Variants in ZP3 observed in about 807,000 individuals in gnomAD.
The protein encoded by ZP3 is zona pellucida sperm-binding protein 3.
In ZP3, 21 loss-of-function variants were observed where a neutral mutation model predicts 35.6. The ratio of observed to expected loss-of-function variants is 0.59; its 90% CI spans 0.42 to 0.85. The LOEUF (loss-of-function observed/expected upper bound fraction) is 0.85, where lower values mean the gene tolerates loss of function less well. Among genes scored for constraint, ZP3 ranks in the 40% least tolerant of loss-of-function variants. The probability of loss-of-function intolerance (pLI) is 0.00; values close to 1 mark genes in which losing one functional copy is unlikely to be tolerated. For synonymous variants in ZP3, 207 were observed against 214.5 expected (o/e 0.96, Z 0.31); for missense variants, 437 against 536.5 (o/e 0.81, Z 1.83).
chr7:76,441,659 A>AT (rs1806202740), intron 7 of ZP3, among the ~76,000 whole-genome samples, 183 bp from the exon 8 acceptor site: 1 of 152,170 alleles, frequency 6.6e-6, no homozygotes, highest in African/African-American at 2.4e-5. Flanking sequence ...AAGTGCTGGG[A>AT]TTACAGGCAT....
At chr7:76,437,443 T>C (rs2005354) in intron 5 of ZP3, among the ~76,000 whole-genome samples, 29,086 of 144,712 alleles carry the variant, frequency 0.2, no homozygotes, top group Middle Eastern at 0.32. Flanking sequence ...GTGCTGGGAT[T>C]ACAGGCATGA....
chr7:76,416,816 C>CTATATA (rs1554623880), intron 1 of ZP3, among the ~76,000 whole-genome samples: 10 of 143,708 alleles, frequency 7.0e-5, no homozygotes, highest in African/African-American at 1.0e-4. Context: ...CTCTCTCTCT[C>CTATATA]TATATATATA....
intron 1 of ZP3, among the ~76,000 whole-genome samples, chr7:76,416,863 T>A (rs1187986416): frequency 6.7e-6 from 1 of 148,152 alleles, no homozygotes. Flanking sequence ...TACATATATA[T>A]ACACACATAT....
chr7:76,437,156 G>A (rs1473673327), intron 5 of ZP3, among the ~76,000 whole-genome samples: 3 of 148,798 alleles, frequency 2.0e-5, no homozygotes, highest in African/African-American at 5.0e-5. Flanking sequence ...CCTCAACAGA[G>A]CAAGACCCTG....
At chr7:76,436,489 TGGCATTAAG>T (rs1295623968) in intron 5 of ZP3, among the ~76,000 whole-genome samples, 2 of 152,240 alleles carry the variant, frequency 1.3e-5, no homozygotes, top group African/African-American at 2.4e-5. Flanking sequence ...TACGTCAGGG[TGGCATTAAG>T]GGACAAAGTA....
rs188651658 is a variant in ZP3, at chr7:76,418,713, G to A, written c.-66-6339G>A. 3.5e-3 allele frequency among the ~76,000 whole-genome samples: 537 copies of A among 151,798 alleles called. 4 individuals carry two copies. The highest frequency in any genetic ancestry group is 0.023 in the South Asian group (111 of 4,804). On this transcript the variant is annotated intron_variant, in intron 1 of 8. Transcript: ENST00000336517. ...CTACTAAAAATACAAAAAATTAGCCGGGCGTGGTGGCAGGCGCCTATAGTC... is the reference window on the plus strand; with the variant it reads ...CTACTAAAAATACAAAAAATTAGCCAGGCGTGGTGGCAGGCGCCTATAGTC...
intron 1 of ZP3, among the ~76,000 whole-genome samples, chr7:76,405,465 A>G (rs906002036): frequency 4.8e-5 from 7 of 145,008 alleles, no homozygotes; most frequent in Non-Finnish European, 9.0e-5. Context: ...TACAGGCGTG[A>G]GCCACCGTGC....
upstream of ZP3, among the ~76,000 whole-genome samples, chr7:76,424,716 C>T (rs2115879966): frequency 6.6e-6 from 1 of 152,254 alleles, no homozygotes; most frequent in African/African-American, 2.4e-5. Context: ...AATGTGGATA[C>T]ACGTGGGGGA....
chr7:76,400,255 C>T (rs772170908), intron 1 of ZP3: 1 of 1,436,576 alleles, frequency 7.0e-7, no homozygotes, highest in South Asian at 1.6e-5. Context: ...CACAGTCTGT[C>T]TGTCCCTCCA....
intron 1 of ZP3, among the ~76,000 whole-genome samples, chr7:76,408,128 G>A (rs1023783000): frequency 3.9e-5 from 6 of 152,138 alleles, no homozygotes; most frequent in African/African-American, 1.2e-4. Flanking sequence ...GCTACACTGA[G>A]AGTGGGACTG....
At chr7:76,427,724 G>C (rs1250336997) in intron 1 of ZP3, among the ~76,000 whole-genome samples, 2 of 152,134 alleles carry the variant, frequency 1.3e-5, no homozygotes, top group South Asian at 2.1e-4. Flanking sequence ...GATCGAGTTT[G>C]GTCAGGGCCA....
intron 1 of ZP3, among the ~76,000 whole-genome samples, chr7:76,413,686 T>C (rs1190867410): frequency 6.6e-6 from 1 of 152,180 alleles, no homozygotes. Context: ...ATTTATTTTT[T>C]GAGACAAGTT....
At chr7:76,414,057 C>G (rs1000484199) in intron 1 of ZP3, among the ~76,000 whole-genome samples, 1 of 148,178 alleles carries the variant, frequency 6.7e-6, no homozygotes, top group African/African-American at 2.5e-5. Flanking sequence ...AGTGCAGTGG[C>G]GTGATCTCAG....
At chr7:76,400,554 GC>G in intron 1 of ZP3, 1 of 1,510,064 alleles carries the variant, frequency 6.6e-7, no homozygotes, top group Non-Finnish European at 8.9e-7. Context: ...CTTCCAGGCG[GC>G]CCCGGCAGCG....
At chr7:76,435,491 G>A (rs1421270824) in intron 5 of ZP3, among the ~76,000 whole-genome samples, 1 of 152,236 alleles carries the variant, frequency 6.6e-6, no homozygotes, top group African/African-American at 2.4e-5. Flanking sequence ...GAGATGAGAG[G>A]TGAGGCGGTG....
At chr7:76,418,317 G>A (rs887554505) in intron 1 of ZP3, among the ~76,000 whole-genome samples, 7 of 151,980 alleles carry the variant, frequency 4.6e-5, no homozygotes, top group African/African-American at 1.7e-4. Flanking sequence ...TTGGGTGGCT[G>A]AGGCAGGCAG....
At chr7:76,420,054 G>A (rs539524535), upstream of ZP3, among the ~76,000 whole-genome samples, 57 of 150,594 alleles carry the variant, frequency 3.8e-4, no homozygotes, top group South Asian at 2.3e-3. Flanking sequence ...CTCCTGCCTC[G>A]GCCTCCCAAA....
intron 5 of ZP3, among the ~76,000 whole-genome samples, chr7:76,438,213 T>C (rs1806082836): frequency 6.6e-6 from 1 of 152,132 alleles, no homozygotes; most frequent in African/African-American, 2.4e-5. Context: ...GAGCCCTGGC[T>C]CTGTCAGAAT....
intron 1 of ZP3, among the ~76,000 whole-genome samples, chr7:76,416,079 G>A (rs777538644): frequency 7.3e-5 from 11 of 151,284 alleles, no homozygotes; most frequent in Admixed American, 1.3e-4. Context: ...GCAGTGAGCC[G>A]AGATTGCACC....
Sources: allele counts gnomAD v4.1 joint callset (sites outside exome capture counted in the v4.1 genomes callset), GRCh38; gene constraint gnomAD v4.1.1; transcripts MANE v1.5; gene names NCBI Gene and HGNC (gene_info 2026-07-23, HGNC 2026-07-21).